USP9X: variants seen among roughly 807,000 people sequenced by gnomAD.
USP9X encodes ubiquitin carboxyl-terminal hydrolase 9X.
In USP9X, 7 loss-of-function variants were observed where a neutral mutation model predicts 190.3. The observed-to-expected ratio is 0.04, with a 90% CI of 0.02 to 0.07. The LOEUF (loss-of-function observed/expected upper bound fraction) is 0.07, where lower values mean the gene tolerates loss of function less well. Among genes scored for constraint, USP9X ranks in the 10% least tolerant of loss-of-function variants. The pLI is 1.00. For synonymous variants in USP9X, 645 were observed against 659.5 expected (o/e 0.98, Z 0.34); for missense variants, 1,010 against 1,916.9 (o/e 0.53, Z 8.83).
At chrX:41,181,691 C>G (rs775552568) in intron 21 of USP9X, among the ~76,000 whole-genome samples, 1 of 109,190 alleles carries the variant, frequency 9.2e-6, no homozygotes, top group African/African-American at 3.3e-5. Flanking sequence ...TCAAGTGATC[C>G]GCCCACCTCC....
chrX:41,165,171 G>GGTT (rs3080131), intron 15 of USP9X, among the ~76,000 whole-genome samples: 266 of 109,898 alleles, frequency 2.4e-3, no homozygotes, highest in African/African-American at 8.1e-3. Flanking sequence ...TCTTTTTTCT[G>GGTT]GTTGTTGTTG....
At position 41,085,592 on chromosome X, in the gene USP9X, G is replaced by A. The variant is rs1321245713; in HGVS notation, c.-676G>A. On this transcript the variant is annotated 5_prime_UTR_variant, in exon 1 of 45. Coordinates refer to ENST00000378308, the MANE Select transcript of USP9X (RefSeq NM_001039591.3). ...CCCTCCCCGCCTTACACAGCTCCCG[G>A]GCCTCGCGGGAGCCCGCCGCCGCCG... is the stretch of plus-strand genomic sequence containing the variant. 1.1e-5 allele frequency: 3 copies of A among 274,139 alleles called. No individual in the cohort carries two copies. Among genetic ancestry groups the A allele is most frequent in the Non-Finnish European group, 1.9e-5 (3 of 156,074 alleles). 22.6% of individuals were successfully genotyped at this position (274,139 alleles called of 1,213,427 possible).
chrX:41,209,892 G>C (rs1273798049), intron 32 of USP9X, among the ~76,000 whole-genome samples: 3 of 111,445 alleles, frequency 2.7e-5, no homozygotes, highest in East Asian at 5.6e-4. Context: ...TACAAAATCA[G>C]GTATTATTGA....
chrX:41,229,510 G>T (rs1245696508), intron 42 of USP9X, 57 bp from the exon 43 acceptor site: 2 of 1,172,102 alleles, frequency 1.7e-6, no homozygotes, highest in African/African-American at 3.6e-5. Context: ...GTCATTTTAA[G>T]TTAACTTTGA....
chrX:41,085,566 C>T lies in USP9X; in HGVS notation c.-702C>T. 3.9e-6 allele frequency: 1 copy of T among 256,435 alleles called. No homozygotes were observed. Among genetic ancestry groups the T allele is most frequent in the Non-Finnish European group, 6.9e-6 (1 of 144,062 alleles). 21.1% of individuals were successfully genotyped at this position (256,435 alleles called of 1,213,427 possible). A position where few individuals can be genotyped will look rare whatever the true frequency, so the allele number is the denominator to read the frequency against. ...CCGTCAGGGCCTCTGTCGCGCCTAG[C>T]CCCTCCCCGCCTTACACAGCTCCCG... On this transcript the variant is annotated 5_prime_UTR_variant, in exon 1 of 45. Coordinates refer to ENST00000378308, the MANE Select transcript of USP9X (RefSeq NM_001039591.3).
intron 21 of USP9X, among the ~76,000 whole-genome samples, chrX:41,183,497 TGC>T (rs1476161845): frequency 8.1e-5 from 9 of 111,797 alleles, no homozygotes; most frequent in African/African-American, 2.9e-4. Context: ...AAGCTCTGCT[TGC>T]TTTGAGGTGA....
At chrX:41,181,781 G>A (rs1448398690) in intron 21 of USP9X, among the ~76,000 whole-genome samples, 1 of 110,326 alleles carries the variant, frequency 9.1e-6, no homozygotes, top group East Asian at 2.8e-4. Flanking sequence ...TTTTTTTGTA[G>A]TGATGGGGGT....
At chrX:41,089,902 G>T (rs1414341673) in intron 1 of USP9X, among the ~76,000 whole-genome samples, 1 of 68,733 alleles carries the variant, frequency 1.5e-5, no homozygotes, top group Non-Finnish European at 2.7e-5. Flanking sequence ...GATCTATGAG[G>T]GTTTTTTTTT....
intron 41 of USP9X, 105 bp from the exon 42 acceptor site, chrX:41,229,148 G>C (rs916618572): frequency 4.8e-5 from 27 of 562,457 alleles, no homozygotes; most frequent in Non-Finnish European, 6.9e-5. Flanking sequence ...TCTAATGTTA[G>C]ATTAAATGAC....
chrX:41,227,925 C>T (rs1229535452), intron 41 of USP9X, among the ~76,000 whole-genome samples: 1 of 112,270 alleles, frequency 8.9e-6, no homozygotes, highest in Non-Finnish European at 1.9e-5. Flanking sequence ...TGGTCTCGAT[C>T]TCCTGACCTC....
chrX:41,219,250 C>A lies in USP9X; in HGVS notation c.6565+19C>A. ...AATTTAGGTAAGAATTTAAGTTTTT[C>A]AGAATTCTGTTTTGATGTATCATAT... On this transcript the variant is annotated intron_variant, in intron 38 of 44. Coordinates refer to ENST00000378308, the MANE Select transcript of USP9X (RefSeq NM_001039591.3). The A allele has an allele frequency of 8.4e-7, 1 of 1,194,213 alleles. No individual in the cohort carries two copies.
chrX:41,207,184 G>A (rs1298428515), intron 32 of USP9X, among the ~76,000 whole-genome samples: 5 of 98,840 alleles, frequency 5.1e-5, no homozygotes, highest in Non-Finnish European at 9.9e-5. Context: ...TGCCTCCCAG[G>A]TTCAAGCAAT....
intron 32 of USP9X, among the ~76,000 whole-genome samples, chrX:41,207,151 C>G (rs984419282): frequency 1.2e-5 from 1 of 84,249 alleles, no homozygotes; most frequent in African/African-American, 4.7e-5. Flanking sequence ...TGCAATGGCT[C>G]GATCTCAGCT....
At chrX:41,205,554 C>A in intron 32 of USP9X, 61 bp downstream of exon 32, 1 of 982,118 alleles carries the variant, frequency 1.0e-6, no homozygotes, top group Non-Finnish European at 1.4e-6. Flanking sequence ...AATACACTAA[C>A]ATTAAACCTC....
intron 1 of USP9X, among the ~76,000 whole-genome samples, chrX:41,102,151 G>C (rs938852028): frequency 8.9e-6 from 1 of 111,892 alleles, no homozygotes; most frequent in Non-Finnish European, 1.9e-5. Context: ...ATGTGAATTA[G>C]ATCTCAAGGG....
chrX:41,123,830 G>C, intron 2 of USP9X, 106 bp downstream of exon 2: 1 of 777,234 alleles, frequency 1.3e-6, no homozygotes, highest in Non-Finnish European at 1.8e-6. Context: ...ATCACTTGAG[G>C]TCAAGAGTTT....
At chrX:41,159,721 G>A (rs910440692) in intron 14 of USP9X, among the ~76,000 whole-genome samples, 1 of 109,959 alleles carries the variant, frequency 9.1e-6, no homozygotes, top group Admixed American at 9.7e-5. Flanking sequence ...AAACGGTTTC[G>A]CCATGTTGGC....
chrX:41,209,873 T>A (rs1232536054), intron 32 of USP9X, among the ~76,000 whole-genome samples: 2 of 112,012 alleles, frequency 1.8e-5, no homozygotes, highest in African/African-American at 6.5e-5. Context: ...ATATACATTA[T>A]TCTGTATATA....
At chrX:41,164,979 T>C (rs2062666477) in intron 15 of USP9X, among the ~76,000 whole-genome samples, 1 of 111,757 alleles carries the variant, frequency 8.9e-6, no homozygotes. Flanking sequence ...ATATATCAGA[T>C]TCCAAATGGG....
Sources: gnomAD v4.1 joint callset for allele counts (sites outside exome capture counted in the v4.1 genomes callset) on GRCh38, gnomAD v4.1.1 for gene constraint, MANE v1.5 for transcripts, NCBI Gene and HGNC (gene_info 2026-07-23, HGNC 2026-07-21) for gene names.